Variants in AFAP1L2 observed in about 807,000 individuals in gnomAD.
AFAP1L2 encodes the protein actin filament associated protein 1 like 2.
Under a neutral mutation model 99.3 loss-of-function variants are expected in AFAP1L2, and 46 were observed. The ratio of observed to expected loss-of-function variants is 0.46; its 90% CI spans 0.37 to 0.59. The LOEUF (loss-of-function observed/expected upper bound fraction) is 0.59, where lower values mean the gene tolerates loss of function less well. Ranked by LOEUF, AFAP1L2 falls within the 20% of genes least tolerant of loss-of-function variation. The pLI is 0.00. For missense variants in AFAP1L2, 959 were observed against 1,034.9 expected (o/e 0.93, Z 1.01); for synonymous variants, 397 against 419.1 (o/e 0.95, Z 0.64).
chr10:114,287,355 AT>A, the AFAP1L2 span, among the ~76,000 whole-genome samples: 14 of 152,016 alleles, frequency 9.2e-5, no homozygotes, highest in Admixed American at 7.9e-4. Flanking sequence ...TAATTGTTTT[AT>A]TTTTTAGAGA....
chr10:114,287,243 C>T, the AFAP1L2 span, among the ~76,000 whole-genome samples: 2 of 152,104 alleles, frequency 1.3e-5, no homozygotes, highest in Admixed American at 6.6e-5. Context: ...TGCAGTGGCA[C>T]GATCATAGCT....
intron 1 of AFAP1L2, among the ~76,000 whole-genome samples, chr10:114,367,731 G>A (rs1257925800): frequency 1.3e-5 from 2 of 152,196 alleles, no homozygotes; most frequent in Non-Finnish European, 2.9e-5. Flanking sequence ...GAGGCAGAAC[G>A]GGCAGAGGGG....
intron 1 of AFAP1L2, among the ~76,000 whole-genome samples, chr10:114,350,269 C>CT (rs1394100762): frequency 3.9e-5 from 6 of 152,228 alleles, no homozygotes; most frequent in Admixed American, 2.0e-4. Flanking sequence ...CCCAGAAGCA[C>CT]TACCTGTCCA....
upstream of AFAP1L2, chr10:114,404,742 C>G (rs1015078878): frequency 4.7e-5 from 16 of 337,040 alleles, no homozygotes; most frequent in Non-Finnish European, 7.9e-5. Context: ...TCGCCGCCCC[C>G]GGCCGCCTTG....
At chr10:114,357,950 G>A (rs2136409046) in intron 1 of AFAP1L2, among the ~76,000 whole-genome samples, 1 of 152,280 alleles carries the variant, frequency 6.6e-6, no homozygotes, top group South Asian at 2.1e-4. Flanking sequence ...CTAAAATTGT[G>A]TCTGTCTCAA....
chr10:114,316,703 A>C (rs1173193854), intron 5 of AFAP1L2, among the ~76,000 whole-genome samples: 2 of 152,188 alleles, frequency 1.3e-5, no homozygotes, highest in African/African-American at 4.8e-5. Flanking sequence ...AACAAAAACC[A>C]TGTGAAGAAA....
At chr10:114,362,948 G>T (rs1219856709) in intron 1 of AFAP1L2, 5 of 985,166 alleles carry the variant, frequency 5.1e-6, no homozygotes, top group Non-Finnish European at 6.0e-6. Flanking sequence ...TAACACTCAC[G>T]AAAAGCTGAC....
At chr10:114,378,109 G>C (rs1172328495) in intron 1 of AFAP1L2, among the ~76,000 whole-genome samples, 1 of 152,206 alleles carries the variant, frequency 6.6e-6, no homozygotes, top group Non-Finnish European at 1.5e-5. Context: ...ACCTGCAAGT[G>C]GATTGCTCTG....
rs905937223 is a variant in AFAP1L2, at chr10:114,362,576, G to A, written c.17-21845C>T. 1.6e-4 allele frequency among the ~76,000 whole-genome samples: 25 copies of A among 152,230 alleles called. 1 individual carries two copies. Among genetic ancestry groups the A allele is most frequent in the Middle Eastern group, 6.8e-3 (2 of 294 alleles). ...TCCCTAGAATCAGCAGAGGGAGCGC[G>A]GACCTGCTGACACCTTGATTTTGGA... On this transcript the variant is annotated intron_variant, in intron 1 of 18. Coordinates refer to ENST00000304129, the MANE Select transcript of AFAP1L2 (RefSeq NM_001001936.3).
At chr10:114,318,945 G>A (rs7083025) in intron 5 of AFAP1L2, among the ~76,000 whole-genome samples, 110,506 of 151,722 alleles carry the variant, frequency 0.73, 41,974 homozygotes, top group East Asian at 0.93. Context: ...CTTGAGGCCA[G>A]GAGTTTCAAA....
At chr10:114,285,001 C>A in the AFAP1L2 span, 2 of 1,510,658 alleles carry the variant, frequency 1.3e-6, no homozygotes, top group Non-Finnish European at 8.9e-7. Flanking sequence ...CAAGACTGAC[C>A]ACTGGGGAGC....
intron 1 of AFAP1L2, among the ~76,000 whole-genome samples, chr10:114,396,054 G>C (rs190026292): frequency 6.6e-6 from 1 of 152,226 alleles, no homozygotes; most frequent in Non-Finnish European, 1.5e-5. Flanking sequence ...AGGTGGAAGA[G>C]ACCTGCCTTT....
At chr10:114,326,227 G>C (rs1156945686) in intron 4 of AFAP1L2, among the ~76,000 whole-genome samples, 1 of 152,108 alleles carries the variant, frequency 6.6e-6, no homozygotes, top group East Asian at 1.9e-4. Context: ...TGAGCTACGC[G>C]AGGTGTGCAA....
chr10:114,308,529 AG>A lies in AFAP1L2; in HGVS notation c.883-13del, dbSNP rs745503598. On this transcript the variant is annotated splice_polypyrimidine_tract_variant and intron_variant, in intron 8 of 18. Coordinates refer to ENST00000304129, the MANE Select transcript of AFAP1L2 (RefSeq NM_001001936.3). ...TCAGCTATATCTGGCTATGGACAAA[AG>A]CGACATGAATGGGGATCACTGGCTG... 4 of 1,612,326 alleles carry A rather than the reference AG, an allele frequency of 2.5e-6. No individual in the cohort carries two copies. The South Asian group carries it at 3.3e-5, about 13-fold the overall frequency.
intron 1 of AFAP1L2, among the ~76,000 whole-genome samples, chr10:114,356,953 G>A (rs538284606): frequency 5.9e-4 from 90 of 152,296 alleles, no homozygotes; most frequent in African/African-American, 2.0e-3. Flanking sequence ...TGGTTACTCC[G>A]TGCAGGCTGT....
rs573238550 is a variant in AFAP1L2 at position 114,320,557 on chromosome 10, T to C, written c.406+2614A>G. The stretch of plus-strand genomic sequence containing the variant: ...CTCTCCTTGGCAGGACAGGCAGGGC[T>C]ATGTTCCCTCCCACCTCGCAGCTGG... On this transcript the variant is annotated intron_variant, in intron 5 of 18. Transcript: ENST00000304129. 2.0e-5 allele frequency among the ~76,000 whole-genome samples: 3 copies of C among 152,348 alleles called. No individual in the cohort carries two copies. The East Asian group carries it at 5.8e-4, about 29-fold the overall frequency.
chr10:114,387,710 T>A (rs544827300), intron 1 of AFAP1L2, among the ~76,000 whole-genome samples: 1 of 152,284 alleles, frequency 6.6e-6, no homozygotes, highest in East Asian at 1.9e-4. Flanking sequence ...ATGAACCCAA[T>A]CTGCACGAAG....
At chr10:114,374,086 A>C (rs1216994971) in intron 1 of AFAP1L2, among the ~76,000 whole-genome samples, 2 of 152,002 alleles carry the variant, frequency 1.3e-5, no homozygotes, top group Non-Finnish European at 2.9e-5. Context: ...ATCTCCTATA[A>C]ACTCTGCGAG....
At chr10:114,347,357 C>G (rs1002566233) in intron 1 of AFAP1L2, among the ~76,000 whole-genome samples, 1 of 152,242 alleles carries the variant, frequency 6.6e-6, no homozygotes, top group African/African-American at 2.4e-5. Context: ...GAAGGGTGAC[C>G]TCAGAGCAAA....
Sources: allele counts gnomAD v4.1 joint callset (sites outside exome capture counted in the v4.1 genomes callset), GRCh38; gene constraint gnomAD v4.1.1; transcripts MANE v1.5; gene names NCBI Gene and HGNC (gene_info 2026-07-23, HGNC 2026-07-21).